NDRG4: variants seen among roughly 807,000 people sequenced by gnomAD.
NDRG4 encodes NDRG family member 4, also known as protein NDRG4.
In NDRG4, 38 loss-of-function variants were observed where a neutral mutation model predicts 55.8. The ratio of observed to expected loss-of-function variants is 0.68; its 90% CI spans 0.53 to 0.89. The LOEUF (loss-of-function observed/expected upper bound fraction) is 0.89, where lower values mean the gene tolerates loss of function less well. Among genes scored for constraint, NDRG4 ranks in the 40% least tolerant of loss-of-function variants. NDRG4 has a pLI of 0.00. For missense variants in NDRG4, 455 were observed against 468.6 expected, an observed-to-expected ratio of 0.97 and a Z score of 0.27; for synonymous variants, 190 against 182.7, an observed-to-expected ratio of 1.04 and a Z score of -0.32.
At chr16:58,503,511 C>T (rs879492739) in intron 1 of NDRG4, among the ~76,000 whole-genome samples, 13 of 152,112 alleles carry the variant, frequency 8.5e-5, no homozygotes, top group Non-Finnish European at 1.5e-4. Context: ...TCCCTGGACC[C>T]TCAAGGGCGG....
At chr16:58,463,749 C>T (rs1276947866) in exon 1 of NDRG4, 1 of 150,756 alleles carries the variant, frequency 6.6e-6, no homozygotes, top group East Asian at 1.9e-4. Flanking sequence ...GTCGGCGGCG[C>T]CGAAGCCCCG....
chr16:58,511,339 G>T, intron 14 of NDRG4, 83 bp from the exon 15 acceptor site: 3 of 1,453,102 alleles, frequency 2.1e-6, no homozygotes, highest in Non-Finnish European at 2.8e-6. Context: ...TTCGCTGGCC[G>T]CTTTGCTTGC....
At chr16:58,499,207 T>C (rs1166678718), upstream of NDRG4, 1 of 152,372 alleles carries the variant, frequency 6.6e-6, no homozygotes, top group Non-Finnish European at 1.5e-5. Context: ...GAGCCTGAGA[T>C]AGACCTAGTG....
upstream of NDRG4, chr16:58,496,823 T>C (rs2036467815): frequency 6.6e-6 from 1 of 152,160 alleles, no homozygotes; most frequent in Non-Finnish European, 1.5e-5. Flanking sequence ...CTGTGCCCAC[T>C]AGCTGTGTGA....
intron 2 of NDRG4, among the ~76,000 whole-genome samples, chr16:58,491,802 T>G (rs1376715458): frequency 6.6e-6 from 1 of 152,172 alleles, no homozygotes; most frequent in Non-Finnish European, 1.5e-5. Context: ...TAGAGATAAG[T>G]CTGGCTCTGG....
In NDRG4 at chr16:58,500,163, C is replaced by G; in HGVS notation, c.-86C>G. ...CCATCACAGAGCCGACCATCTCCCACTCGAGCTGCCCCCGCCCTCTGGACC... is the reference window on the plus strand; with the variant it reads ...CCATCACAGAGCCGACCATCTCCCAGTCGAGCTGCCCCCGCCCTCTGGACC... On this transcript the variant is annotated 5_prime_UTR_variant, in exon 1 of 15. Coordinates refer to ENST00000570248, the MANE Select transcript of NDRG4 (RefSeq NM_001242835.2). The G allele has an allele frequency of 6.5e-7, 1 of 1,535,724 alleles. No individual in the cohort carries two copies. Among genetic ancestry groups the G allele is most frequent in the South Asian group, 1.2e-5 (1 of 83,958 alleles).
intron 1 of NDRG4, among the ~76,000 whole-genome samples, chr16:58,478,680 G>C (rs1597106336): frequency 9.0e-6 from 1 of 110,790 alleles, no homozygotes; most frequent in Non-Finnish European, 1.8e-5. Context: ...CTGTGTTTCT[G>C]TGCTTTTTTG....
In NDRG4 at chr16:58,504,603, T is replaced by C. The variant is rs747967030; in HGVS notation, c.326T>C (p.Ile109Thr). The change falls in exon 5 of 15, where the codon ATT (isoleucine) becomes ACT (threonine). Residue 109 changes from isoleucine to threonine, a missense_variant. Ile to Thr is a moderately conservative substitution (Grantham distance 89). Transcript: ENST00000570248. ...VVQHFGFKYV[I>T]GIGVGAGAYV... ...CTCTGCACCAGGTTCAAGTATGTGA[T>C]TGGCATCGGAGTGGGCGCCGGAGCC... 5.6e-6 allele frequency: 9 copies of C among 1,614,168 alleles called. No individual in the cohort carries two copies. The highest frequency in any genetic ancestry group is 2.2e-5 in the East Asian group (1 of 44,866).
Position 58,512,106 on chromosome 16 carries a change from T to C in NDRG4, c.*530T>C, listed in dbSNP as rs557101328. On this transcript the variant is annotated 3_prime_UTR_variant, in exon 15 of 15. Coordinates refer to ENST00000570248, the MANE Select transcript of NDRG4 (RefSeq NM_001242835.2). ...GGGGCGCTCGGACCAGGCAGCCACT[T>C]TCCTGGTGCTCTCTGGGCCCAGCTG... The C allele has an allele frequency of 6.6e-6, 3 of 456,588 alleles. No individual in the cohort carries two copies. Among genetic ancestry groups the C allele is most frequent in the African/African-American group, 4.0e-5 (2 of 50,086 alleles). 28.3% of individuals were successfully genotyped at this position (456,588 alleles called of 1,614,324 possible).
intron 10 of NDRG4, among the ~76,000 whole-genome samples, 192 bp downstream of exon 10, chr16:58,508,191 C>CT (rs2038299024): frequency 2.0e-5 from 3 of 152,324 alleles, no homozygotes; most frequent in Middle Eastern, 3.4e-3. Context: ...ATCCTTCTGG[C>CT]TGGGGAGGCC....
At chr16:58,478,427 T>C (rs2033978270) in intron 1 of NDRG4, among the ~76,000 whole-genome samples, 1 of 150,756 alleles carries the variant, frequency 6.6e-6, no homozygotes, top group Non-Finnish European at 1.5e-5. Context: ...AAAGATGGGC[T>C]GATAAACTGT....
intron 2 of NDRG4, among the ~76,000 whole-genome samples, chr16:58,492,911 C>T (rs757684743): frequency 6.6e-6 from 1 of 152,080 alleles, no homozygotes; most frequent in Non-Finnish European, 1.5e-5. Flanking sequence ...CTCTCCTTCC[C>T]TCCTCCCTGC....
chr16:58,486,116 C>T (rs997447987), intron 1 of NDRG4, among the ~76,000 whole-genome samples: 26 of 152,186 alleles, frequency 1.7e-4, no homozygotes, highest in Admixed American at 1.2e-3. Flanking sequence ...CCTTCGCTAG[C>T]GGTGTAAACT....
chr16:58,511,321 A>T (rs1257813932), intron 14 of NDRG4, 101 bp from the exon 15 acceptor site: 2 of 1,365,180 alleles, frequency 1.5e-6, no homozygotes, highest in East Asian at 4.6e-5. Flanking sequence ...TGTGCCTTCG[A>T]GGAACGGTTC....
At chr16:58,494,216 A>G (rs561910924) in intron 2 of NDRG4, among the ~76,000 whole-genome samples, 3 of 152,322 alleles carry the variant, frequency 2.0e-5, no homozygotes, top group Admixed American at 2.0e-4. Context: ...GCCAGACTCA[A>G]ACGGTTCACT....
intron 1 of NDRG4, among the ~76,000 whole-genome samples, chr16:58,477,535 A>G (rs1219259251): frequency 1.3e-5 from 2 of 152,230 alleles, no homozygotes; most frequent in Non-Finnish European, 2.9e-5. Flanking sequence ...TTTAACCCAC[A>G]GGGTAAAATA....
At chr16:58,498,290 G>A (rs924187598), upstream of NDRG4, among the ~76,000 whole-genome samples, 8 of 152,162 alleles carry the variant, frequency 5.3e-5, no homozygotes, top group African/African-American at 1.4e-4. Context: ...ACGGGCCAGG[G>A]GGACTCCCCA....
Position 58,464,167 on chromosome 16 carries a change from C to T in NDRG4, c.-24+370C>T, listed in dbSNP as rs896926905. 9 of 373,474 alleles carry T rather than the reference C, an allele frequency of 2.4e-5. No individual in the cohort carries two copies. Among genetic ancestry groups the T allele is most frequent in the Non-Finnish European group, 4.3e-5 (9 of 210,464 alleles). The allele number at this position is 373,474 out of a possible 1,614,324, so 23.1% of individuals were successfully genotyped here. ...CCCACCCCGCGCCCTTCCTCCGCCTCCTGGAGTTCACCGGGACCAGGTGGC... is the reference window on the plus strand; with the variant it reads ...CCCACCCCGCGCCCTTCCTCCGCCTTCTGGAGTTCACCGGGACCAGGTGGC... On this transcript the variant is annotated intron_variant, in intron 1 of 15. Coordinates refer to the NDRG4 transcript ENST00000258187. This position sits in a 1 kb window ranked among gnomAD's most constrained non-coding sequence, Gnocchi z 4.8.
intron 1 of NDRG4, among the ~76,000 whole-genome samples, chr16:58,474,323 G>A (rs375965992): frequency 1.2e-4 from 19 of 152,158 alleles, no homozygotes; most frequent in East Asian, 7.7e-4. Flanking sequence ...GATTACAGGC[G>A]TGAGCTGGCT....
Sources: allele counts gnomAD v4.1 joint callset (sites outside exome capture counted in the v4.1 genomes callset), GRCh38; gene constraint gnomAD v4.1.1; non-coding constraint Gnocchi (gnomAD v3.1); transcripts MANE v1.5; gene names NCBI Gene and HGNC (gene_info 2026-07-23, HGNC 2026-07-21).